The following PHACTR2 variants were observed in gnomAD, a reference collection of about 807,000 sequenced individuals.
PHACTR2 encodes the protein chromosome 6 open reading frame 56.
A neutral mutation model predicts 76.0 loss-of-function variants in PHACTR2; 30 were observed. That is an observed-to-expected ratio of 0.39 (90% confidence interval 0.30 to 0.54). PHACTR2 has a LOEUF of 0.54. Among genes scored for constraint, PHACTR2 ranks in the 20% least tolerant of loss-of-function variants. PHACTR2 has a pLI of 0.61. For synonymous variants in PHACTR2, 292 were observed against 292.5 expected (o/e 1.00, Z 0.02); for missense variants, 696 against 781.1 (o/e 0.89, Z 1.30).
In PHACTR2 at chr6:143,828,610, T is replaced by C. The variant is rs1582922571; in HGVS notation, c.*4921T>C. On this transcript the variant is annotated 3_prime_UTR_variant, in exon 13 of 13. Transcript: ENST00000440869. This position sits in a 1 kb window ranked among gnomAD's most constrained non-coding sequence, Gnocchi z 4.7. ...CTAAAGCCAACCCTATAAGGATGGGTCATTTTTTAGCCATGCTAGGATTTA... is the reference window on the plus strand; with the variant it reads ...CTAAAGCCAACCCTATAAGGATGGGCCATTTTTTAGCCATGCTAGGATTTA... The C allele has an allele frequency of 6.6e-6, 1 of 152,150 alleles. No individual in the cohort carries two copies. The highest frequency in any genetic ancestry group is 6.5e-5 in the Admixed American group (1 of 15,268). 9.4% of individuals were successfully genotyped at this position (152,150 alleles called of 1,614,324 possible).
At chr6:143,720,593 C>T (rs1402856891) in intron 2 of PHACTR2, among the ~76,000 whole-genome samples, 3 of 152,156 alleles carry the variant, frequency 2.0e-5, no homozygotes, top group South Asian at 2.1e-4. Flanking sequence ...CTCACATTCA[C>T]GAACCTCATG....
Position 143,783,200 on chromosome 6 carries a change from T to C in PHACTR2, c.1646-19T>C. ...ATCTATAGTAACTGTCATCACGACT[T>C]TCCTCCTTTAATAAACAGAAAAGAA... On this transcript the variant is annotated intron_variant, in intron 9 of 12. Coordinates refer to ENST00000440869, the MANE Select transcript of PHACTR2 (RefSeq NM_001100164.2). The surrounding 1 kb of genome is among the most constrained non-coding windows in gnomAD (Gnocchi z 5.2). 6.4e-7 allele frequency: 1 copy of C among 1,559,048 alleles called. No individual in the cohort carries two copies. The highest frequency in any genetic ancestry group is 2.2e-5 in the East Asian group (1 of 44,560).
chr6:143,779,100 G>T (rs943689959), intron 9 of PHACTR2, among the ~76,000 whole-genome samples: 2 of 152,182 alleles, frequency 1.3e-5, no homozygotes, highest in Non-Finnish European at 2.9e-5. Flanking sequence ...ATGATTTCCT[G>T]ACCCACTATT....
rs1212389946 is a variant in PHACTR2 at position 143,743,681 on chromosome 6, A to G, written c.215-5304A>G. Among the ~76,000 whole-genome samples, 1 of 152,202 alleles carries G rather than the reference A, an allele frequency of 6.6e-6. No homozygotes were observed. Among genetic ancestry groups the G allele is most frequent in the Non-Finnish European group, 1.5e-5 (1 of 68,034 alleles). ...CAAAGCCGAGCCAGGCTCTTGTAGAACACTTTCAACACAAGACAAGTGGTT... is the reference window on the plus strand; with the variant it reads ...CAAAGCCGAGCCAGGCTCTTGTAGAGCACTTTCAACACAAGACAAGTGGTT... On this transcript the variant is annotated intron_variant, in intron 2 of 12. Coordinates refer to ENST00000440869, the MANE Select transcript of PHACTR2 (RefSeq NM_001100164.2). The surrounding 1 kb of genome is among the most constrained non-coding windows in gnomAD (Gnocchi z 5.0).
intron 1 of PHACTR2, among the ~76,000 whole-genome samples, chr6:143,649,973 A>G (rs1248259568): frequency 6.6e-6 from 1 of 152,246 alleles, no homozygotes; most frequent in Non-Finnish European, 1.5e-5. Flanking sequence ...TCTTAAGCTG[A>G]TAAGCAACTT....
In PHACTR2 at chr6:143,755,290, G is replaced by T. The variant is rs1779273664; in HGVS notation, c.454+1378G>T. The T allele has an allele frequency of 2.2e-6, 1 of 455,908 alleles. No homozygotes were observed. The highest frequency in any genetic ancestry group is 2.0e-5 in the African/African-American group (1 of 50,050). 28.2% of individuals were successfully genotyped at this position (455,908 alleles called of 1,614,324 possible). A position where few individuals can be genotyped will look rare whatever the true frequency, so the allele number is the denominator to read the frequency against. On this transcript the variant is annotated intron_variant, in intron 4 of 12. Transcript: ENST00000440869. This position sits in a 1 kb window ranked among gnomAD's most constrained non-coding sequence, Gnocchi z 5.2. ...TGATGTTTTTTGTTTAAGTCTTTCT[G>T]TCCTGTCTCGCCAGACTGTTGAATT...
rs1240921368 is a variant in PHACTR2, at chr6:143,821,049, G to T, written c.1923-2625G>T. 6.6e-6 allele frequency among the ~76,000 whole-genome samples: 1 copy of T among 152,254 alleles called. No homozygotes were observed. Among genetic ancestry groups the T allele is most frequent in the Non-Finnish European group, 1.5e-5 (1 of 68,046 alleles). On this transcript the variant is annotated intron_variant, in intron 12 of 12. Transcript: ENST00000440869. This position sits in a 1 kb window ranked among gnomAD's most constrained non-coding sequence, Gnocchi z 5.2. ...CCAAGGCTGGAGCCAAAGTGGCTGG[G>T]ATGCAGGGAACAATGTCCTGAGGCT...
chr6:143,808,882 C>T lies in PHACTR2; in HGVS notation c.1922+1749C>T, dbSNP rs1410304062. 2.0e-5 allele frequency among the ~76,000 whole-genome samples: 3 copies of T among 152,274 alleles called. No individual in the cohort carries two copies. In the East Asian group the frequency reaches 5.8e-4, roughly 29 times the overall value. On this transcript the variant is annotated intron_variant, in intron 12 of 12. Coordinates refer to ENST00000440869, the MANE Select transcript of PHACTR2 (RefSeq NM_001100164.2). ...TTTTGTCCCCCTCTTTTCTCCCTTC[C>T]ACTTCTAGGGTCGGGAAAAATGTAT...
chr6:143,714,357 C>T (rs753732567), intron 2 of PHACTR2, among the ~76,000 whole-genome samples: 7 of 152,204 alleles, frequency 4.6e-5, no homozygotes, highest in Non-Finnish European at 1.0e-4. Flanking sequence ...ATAAATACCA[C>T]TTTTCCTGGT....
At chr6:143,567,435 G>T (rs1370559168) in intron 1 of PHACTR2, among the ~76,000 whole-genome samples, 2 of 152,146 alleles carry the variant, frequency 1.3e-5, no homozygotes, top group African/African-American at 4.8e-5. Flanking sequence ...GTCTTGCTCT[G>T]TCATCCAGGC....
At chr6:143,551,087 T>C (rs992881866) in intron 1 of PHACTR2, among the ~76,000 whole-genome samples, 2 of 151,828 alleles carry the variant, frequency 1.3e-5, no homozygotes, top group African/African-American at 4.8e-5. Context: ...CTAACACATT[T>C]TATTCACAGA....
rs1219534530 is a variant in PHACTR2 at position 143,658,783 on chromosome 6, G to A, written c.13+50461G>A. On this transcript the variant is annotated intron_variant, in intron 1 of 11. Transcript: ENST00000305766. This position sits in a 1 kb window ranked among gnomAD's most constrained non-coding sequence, Gnocchi z 4.1. ...ACTCTGCCTGTAATCTCAGCACTTC[G>A]GGAGGCCAAGGTGGCAGGATCACTT... Among the ~76,000 whole-genome samples, 1 of 152,062 alleles carries A rather than the reference G, an allele frequency of 6.6e-6. No homozygotes were observed. The highest frequency in any genetic ancestry group is 2.4e-5 in the African/African-American group (1 of 41,402).
At chr6:143,576,452 C>A (rs757031818) in intron 1 of PHACTR2, among the ~76,000 whole-genome samples, 3 of 152,212 alleles carry the variant, frequency 2.0e-5, no homozygotes, top group Non-Finnish European at 4.4e-5. Context: ...CATTTATTTA[C>A]TTTAAGCATA....
At position 143,827,181 on chromosome 6, in the gene PHACTR2, T is replaced by A. The variant is rs1353882372; in HGVS notation, c.*3492T>A. 949 of 131,082 alleles carry A rather than the reference T, an allele frequency of 7.2e-3. 44 individuals are homozygous for A. The highest frequency in any genetic ancestry group is 0.061 in the South Asian group (253 of 4,160). The allele number at this position is 131,082 out of a possible 1,614,324, so 8.1% of individuals were successfully genotyped here. A position where few individuals can be genotyped will look rare whatever the true frequency, so the allele number is the denominator to read the frequency against. The stretch of plus-strand genomic sequence containing the variant: ...ATATATATATATATATATATATATA[T>A]ATATATATATATATATATGTATATT... On this transcript the variant is annotated 3_prime_UTR_variant, in exon 13 of 13. Transcript: ENST00000440869.
At chr6:143,798,525 G>T (rs1283886105) in intron 11 of PHACTR2, among the ~76,000 whole-genome samples, 1 of 152,176 alleles carries the variant, frequency 6.6e-6, no homozygotes, top group Non-Finnish European at 1.5e-5. Context: ...GTATGATATT[G>T]TCTGTGGGTT....
At chr6:143,540,629 G>A (rs1462254994) in intron 1 of PHACTR2, among the ~76,000 whole-genome samples, 1 of 151,798 alleles carries the variant, frequency 6.6e-6, no homozygotes, top group Non-Finnish European at 1.5e-5. Context: ...CAAGACAAGC[G>A]TCTCAGACTT....
chr6:143,706,299 G>A (rs1048033264), intron 1 of PHACTR2, among the ~76,000 whole-genome samples: 12 of 152,350 alleles, frequency 7.9e-5, no homozygotes, highest in East Asian at 1.9e-4. Context: ...AGATCTGTGC[G>A]TTGGGCGTGC....
Position 143,585,741 on chromosome 6 carries a change from G to T in PHACTR2, c.217+48534G>T, listed in dbSNP as rs1775623104. On this transcript the variant is annotated intron_variant, in intron 1 of 11. Transcript: ENST00000367584. The surrounding 1 kb of genome is among the most constrained non-coding windows in gnomAD (Gnocchi z 5.2). ...GCGAATGAACTCTGTGAGCAATTTT[G>T]TCCCCCAGCTCCTCAAAATGATGTG... 6.6e-6 allele frequency among the ~76,000 whole-genome samples: 1 copy of T among 152,192 alleles called. No individual in the cohort carries two copies. The highest frequency in any genetic ancestry group is 1.5e-5 in the Non-Finnish European group (1 of 68,042).
chr6:143,626,714 C>T (rs1274605426), intron 1 of PHACTR2, among the ~76,000 whole-genome samples: 1 of 152,030 alleles, frequency 6.6e-6, no homozygotes, highest in East Asian at 1.9e-4. Flanking sequence ...ACGTTTATTT[C>T]GGGAAAACGT....
Sources: gnomAD v4.1 joint callset for allele counts (sites outside exome capture counted in the v4.1 genomes callset) on GRCh38, gnomAD v4.1.1 for gene constraint, Gnocchi (gnomAD v3.1) non-coding constraint, MANE v1.5 for transcripts, NCBI Gene and HGNC (gene_info 2026-07-23, HGNC 2026-07-21) for gene names.